The following HIVEP2 variants were observed in gnomAD, a reference collection of about 807,000 sequenced individuals.
The protein encoded by HIVEP2 is HIVEP zinc finger 2.
Under a neutral mutation model 180.7 loss-of-function variants are expected in HIVEP2, and 14 were observed. The ratio of observed to expected loss-of-function variants is 0.08; its 90% CI spans 0.05 to 0.12. The LOEUF is 0.12. Ranked by LOEUF, HIVEP2 falls within the 10% of genes least tolerant of loss-of-function variation. HIVEP2 has a pLI of 1.00. For synonymous variants in HIVEP2, 1,184 were observed against 1,136.4 expected (o/e 1.04, Z -0.84); for missense variants, 2,579 against 3,008.5 (o/e 0.86, Z 3.34).
In HIVEP2 at chr6:142,770,347, C is replaced by T. The variant is rs754592148; in HGVS notation, c.4392G>A (p.Lys1464=). The T allele has an allele frequency of 6.8e-6, 11 of 1,614,046 alleles. No individual in the cohort carries two copies. ...TKQQKRVKEE[K]MYGQIVEELS... is the part of the protein sequence containing the mutation. ...GCTCCTCCACAATCTGTCCGTACAT[C>T]TTTTCTTCTTTGACCCTTTTCTGCT... is the stretch of plus-strand genomic sequence containing the variant. Residue 1464 remains lysine, a synonymous_variant, in exon 5 of 10, where the codon AAG becomes AAA. Transcript: ENST00000367603. This position sits in a 1 kb window ranked among gnomAD's most constrained non-coding sequence, Gnocchi z 4.7.
chr6:142,856,450 C>T (rs984149690), intron 1 of HIVEP2, among the ~76,000 whole-genome samples: 1 of 152,196 alleles, frequency 6.6e-6, no homozygotes, highest in African/African-American at 2.4e-5. Context: ...GCAAATAATT[C>T]TAACATGACC....
chr6:142,920,659 A>T (rs1777662842), intron 1 of HIVEP2, among the ~76,000 whole-genome samples: 1 of 152,232 alleles, frequency 6.6e-6, no homozygotes, highest in Non-Finnish European at 1.5e-5. Flanking sequence ...AAAAAATTTT[A>T]TACTCAGATT....
At chr6:142,788,001 A>G (rs1776045967) in intron 2 of HIVEP2, 1 of 152,208 alleles carries the variant, frequency 6.6e-6, no homozygotes, top group Admixed American at 6.5e-5. Context: ...AATGACACCA[A>G]AGCTACATAT....
In HIVEP2 at chr6:142,772,427, G is replaced by A; in HGVS notation, c.2312C>T (p.Ser771Phe). ...CRPQLQPGSP[S>F]LVSEESPSAI... ...TGAAGGTGACTCCTCTGACACAAGA[G>A]ATGGACTTCCAGGCTGCAGTTGGGG... is the stretch of plus-strand genomic sequence containing the variant. Residue 771 changes from serine to phenylalanine, a missense_variant, in exon 5 of 10, where the codon TCT becomes TTT. Coordinates refer to ENST00000367603, the MANE Select transcript of HIVEP2 (RefSeq NM_006734.4). The surrounding 1 kb of genome is among the most constrained non-coding windows in gnomAD (Gnocchi z 4.9). The A allele has an allele frequency of 6.2e-7, 1 of 1,614,256 alleles. No homozygotes were observed. The highest frequency in any genetic ancestry group is 8.5e-7 in the Non-Finnish European group (1 of 1,180,042).
Position 142,771,028 on chromosome 6 carries a change from G to C in HIVEP2, c.3711C>G (p.His1237Gln). 1 of 1,614,206 alleles carries C rather than the reference G, an allele frequency of 6.2e-7. No homozygotes were observed. Among genetic ancestry groups the C allele is most frequent in the Non-Finnish European group, 8.5e-7 (1 of 1,180,042 alleles). ...AGGGCTTGCCATAGCTCTTCTGAGGGTGCTGAGCAAAGGGATGTGGGAAAT... is the reference window on the plus strand; with the variant it reads ...AGGGCTTGCCATAGCTCTTCTGAGGCTGCTGAGCAAAGGGATGTGGGAAAT... ...QAHFPHPFAQHPQKSYGKPSF... is the reference protein window; with the variant it reads ...QAHFPHPFAQQPQKSYGKPSF... The change falls in exon 5 of 10, where the codon CAC becomes CAG. Residue 1237 changes from histidine to glutamine, a missense_variant. Physicochemically the swap from His to Gln is conservative, Grantham distance 24. Transcript: ENST00000367603. The surrounding 1 kb of genome is among the most constrained non-coding windows in gnomAD (Gnocchi z 5.4).
intron 1 of HIVEP2, among the ~76,000 whole-genome samples, chr6:142,846,993 G>T (rs1775531509): frequency 1.3e-5 from 2 of 152,162 alleles, no homozygotes; most frequent in African/African-American, 4.8e-5. Flanking sequence ...AAGCCATGCT[G>T]TAAACATGCT....
At chr6:142,900,763 A>G (rs1205496627) in intron 1 of HIVEP2, among the ~76,000 whole-genome samples, 1 of 152,180 alleles carries the variant, frequency 6.6e-6, no homozygotes, top group Non-Finnish European at 1.5e-5. Context: ...GTGAACTTCT[A>G]TCAGGCCTCC....
Position 142,760,380 on chromosome 6 carries a change from T to C in HIVEP2, c.5908A>G (p.Ser1970Gly). ...ATACTTGGCAAAGTAACCAAATAGC[T>C]GATCAACGAAGAATGTCCCAGGGAA... The part of the protein sequence containing the change: ...DSSLGHSSLI[S>G]YLVTLPSIRV... Residue 1970 changes from serine to glycine, a missense_variant, in exon 9 of 10, where the codon AGC (serine) becomes GGC (glycine). Around this residue, in one of 11 missense-constraint regions of HIVEP2, gnomAD observed 660 missense variants for 731.7 expected, o/e 0.90. Coordinates refer to ENST00000367603, the MANE Select transcript of HIVEP2 (RefSeq NM_006734.4). 1 of 1,614,214 alleles carries C rather than the reference T, an allele frequency of 6.2e-7. No homozygotes were observed. The highest frequency in any genetic ancestry group is 8.5e-7 in the Non-Finnish European group (1 of 1,180,038).
At position 142,769,988 on chromosome 6, in the gene HIVEP2, C is replaced by T. The variant is rs1029381063; in HGVS notation, c.4751G>A (p.Ser1584Asn). ...ACCATCTCCTGCTGGTAATGAAGAA[C>T]TCTGTGGGCTCATGCTCATGTCCGA... The part of the protein sequence containing the change: ...TASDMSMSPQ[S>N]SSLPAGDGQL... The change falls in exon 5 of 10, where the codon AGT becomes AAT. Residue 1584 changes from serine to asparagine, a missense_variant. Ser to Asn is a conservative substitution (Grantham distance 46). Coordinates refer to ENST00000367603, the MANE Select transcript of HIVEP2 (RefSeq NM_006734.4). The T allele has an allele frequency of 1.2e-6, 2 of 1,614,148 alleles. No individual in the cohort carries two copies. The highest frequency in any genetic ancestry group is 1.3e-5 in the African/African-American group (1 of 75,070).
intron 1 of HIVEP2, among the ~76,000 whole-genome samples, chr6:142,900,463 T>C (rs1777107824): frequency 6.6e-6 from 1 of 152,146 alleles, no homozygotes; most frequent in African/African-American, 2.4e-5. Flanking sequence ...CCGAAAGTAC[T>C]CCTTGCACAG....
chr6:142,774,892 C>G lies in HIVEP2; in HGVS notation c.-154G>C. On this transcript the variant is annotated 5_prime_UTR_variant, in exon 5 of 10. Coordinates refer to ENST00000367603, the MANE Select transcript of HIVEP2 (RefSeq NM_006734.4). This position sits in a 1 kb window ranked among gnomAD's most constrained non-coding sequence, Gnocchi z 5.1. ...CTCCTTCTCTTTGGAACCTTCCACACGCACACCACAGTCGATGGGCATTAG... is the reference window on the plus strand; with the variant it reads ...CTCCTTCTCTTTGGAACCTTCCACAGGCACACCACAGTCGATGGGCATTAG... 2 of 1,495,608 alleles carry G rather than the reference C, an allele frequency of 1.3e-6. No individual in the cohort carries two copies. The highest frequency in any genetic ancestry group is 1.8e-6 in the Non-Finnish European group (2 of 1,131,618). The allele number at this position is 1,495,608 out of a possible 1,614,324, so 92.6% of individuals were successfully genotyped here. A position where few individuals can be genotyped will look rare whatever the true frequency, so the allele number is the denominator to read the frequency against.
intron 1 of HIVEP2, among the ~76,000 whole-genome samples, chr6:142,849,350 G>A (rs959923622): frequency 3.3e-5 from 5 of 152,020 alleles, no homozygotes; most frequent in African/African-American, 4.8e-5. Context: ...AAATATATTC[G>A]GTTTTAGAGC....
At chr6:142,874,389 A>T (rs564784153) in intron 1 of HIVEP2, among the ~76,000 whole-genome samples, 23 of 152,144 alleles carry the variant, frequency 1.5e-4, no homozygotes, top group African/African-American at 5.3e-4. Flanking sequence ...TTGCTTTTTT[A>T]AAAAATCTAT....
At chr6:142,886,349 C>A (rs1190335521) in intron 1 of HIVEP2, among the ~76,000 whole-genome samples, 3 of 152,042 alleles carry the variant, frequency 2.0e-5, no homozygotes, top group Admixed American at 6.6e-5. Context: ...ATATGTATAA[C>A]CATTTTAATA....
Position 142,752,434 on chromosome 6 carries a change from G to C in HIVEP2, c.*673C>G, listed in dbSNP as rs1328308888. 2.0e-5 allele frequency: 3 copies of C among 152,656 alleles called. No individual in the cohort carries two copies. In the South Asian group the frequency reaches 6.2e-4, roughly 32 times the overall value. The allele number at this position is 152,656 out of a possible 1,614,324, so 9.5% of individuals were successfully genotyped here. A position where few individuals can be genotyped will look rare whatever the true frequency, so the allele number is the denominator to read the frequency against. On this transcript the variant is annotated 3_prime_UTR_variant, in exon 10 of 10. Transcript: ENST00000367603. ...AGACAAAAAAATATACAAGAGTTAA[G>C]AACTGACTGATACATCCTTTATCTT... is the stretch of plus-strand genomic sequence containing the variant.
At chr6:142,899,454 A>G (rs1330455099) in intron 1 of HIVEP2, among the ~76,000 whole-genome samples, 1 of 152,172 alleles carries the variant, frequency 6.6e-6, no homozygotes, top group Non-Finnish European at 1.5e-5. Flanking sequence ...CTTCTAGACC[A>G]TTAGCTCCTT....
chr6:142,872,042 C>T lies in HIVEP2; in HGVS notation c.-640-34995G>A, dbSNP rs571130860. Among the ~76,000 whole-genome samples the T allele has an allele frequency of 2.6e-5, 4 of 152,232 alleles. No homozygotes were observed. The South Asian group carries it at 6.2e-4, about 24-fold the overall frequency. On this transcript the variant is annotated intron_variant, in intron 1 of 9. Coordinates refer to ENST00000367603, the MANE Select transcript of HIVEP2 (RefSeq NM_006734.4). ...TGTCTTCTGAATCACTGCCATTACCCGAGAAAACCCCAGGAAGTGGTTTGA... is the reference window on the plus strand; with the variant it reads ...TGTCTTCTGAATCACTGCCATTACCTGAGAAAACCCCAGGAAGTGGTTTGA...
chr6:142,757,748 C>T (rs1484156052), intron 9 of HIVEP2, among the ~76,000 whole-genome samples: 4 of 152,128 alleles, frequency 2.6e-5, no homozygotes, highest in African/African-American at 9.7e-5. Flanking sequence ...TCAGTGACTA[C>T]TAAAACTCAT....
intron 1 of HIVEP2, among the ~76,000 whole-genome samples, chr6:142,872,643 A>T (rs1385189071): frequency 6.6e-6 from 1 of 152,148 alleles, no homozygotes; most frequent in African/African-American, 2.4e-5. Flanking sequence ...TTATCTAACA[A>T]CCAAAGGAAA....
Sources: gnomAD v4.1 joint callset for allele counts (sites outside exome capture counted in the v4.1 genomes callset) on GRCh38, gnomAD v4.1.1 for gene constraint, gnomAD v4.1.1 regional missense constraint, Gnocchi (gnomAD v3.1) non-coding constraint, MANE v1.5 for transcripts, NCBI Gene and HGNC (gene_info 2026-07-23, HGNC 2026-07-21) for gene names.